EPHB1: variants seen among roughly 807,000 people sequenced by gnomAD.
EPHB1 encodes ephrin type-B receptor 1.
Under a neutral mutation model 94.4 loss-of-function variants are expected in EPHB1, and 30 were observed. The ratio of observed to expected loss-of-function variants is 0.32; its 90% confidence interval spans 0.24 to 0.43. The LOEUF (loss-of-function observed/expected upper bound fraction) is 0.43. Ranked by LOEUF, EPHB1 falls within the 20% of genes least tolerant of loss-of-function variation. EPHB1 has a pLI of 1.00. For synonymous variants in EPHB1, 522 were observed against 489.1 expected (o/e 1.07, Z -0.89); for missense variants, 1,055 against 1,308.3 (o/e 0.81, Z 2.99).
At chr3:135,107,315 T>C (rs1279465920) in intron 4 of EPHB1, among the ~76,000 whole-genome samples, 2 of 152,184 alleles carry the variant, frequency 1.3e-5, no homozygotes, top group Admixed American at 1.3e-4. Flanking sequence ...AGCTACACTC[T>C]CTGGATAGGG....
chr3:135,081,386 T>C (rs1938158583), intron 3 of EPHB1, among the ~76,000 whole-genome samples: 1 of 152,160 alleles, frequency 6.6e-6, no homozygotes, highest in Non-Finnish European at 1.5e-5. Flanking sequence ...TAAAGGGGCT[T>C]ACAAAACTCT....
chr3:134,997,343 C>T (rs73214190), intron 3 of EPHB1, among the ~76,000 whole-genome samples: 1,684 of 152,298 alleles, frequency 0.011, 24 homozygotes, highest in Non-Finnish European at 0.017. Context: ...CTGGGGTCTC[C>T]TTCTGGTGAT....
intron 3 of EPHB1, chr3:135,067,832 G>A (rs982754243): frequency 1.3e-5 from 2 of 152,336 alleles, no homozygotes; most frequent in Middle Eastern, 6.8e-3. Context: ...TTCCTGCTTG[G>A]GGAACCCAGT....
chr3:135,048,939 T>C (rs978554525), intron 3 of EPHB1, among the ~76,000 whole-genome samples: 9 of 152,238 alleles, frequency 5.9e-5, no homozygotes, highest in African/African-American at 2.2e-4. Flanking sequence ...TGAGGATCTG[T>C]AGAGCTGGGA....
chr3:134,863,484 A>G (rs1252612095), intron 1 of EPHB1, among the ~76,000 whole-genome samples: 1 of 152,228 alleles, frequency 6.6e-6, no homozygotes, highest in African/African-American at 2.4e-5. Context: ...TTTCAAACCC[A>G]GTCCCCTTAA....
chr3:135,193,348 G>A (rs2107710328), intron 11 of EPHB1, among the ~76,000 whole-genome samples: 1 of 152,360 alleles, frequency 6.6e-6, no homozygotes, highest in South Asian at 2.1e-4. Context: ...TCTGTGATTG[G>A]CGAAGATTCC....
intron 12 of EPHB1, among the ~76,000 whole-genome samples, chr3:135,231,820 C>G (rs1943537201): frequency 6.6e-6 from 1 of 152,190 alleles, no homozygotes; most frequent in Non-Finnish European, 1.5e-5. Flanking sequence ...CGAGACCATC[C>G]TCTCCAAAAG....
At chr3:134,880,754 C>G (rs925583150) in intron 1 of EPHB1, among the ~76,000 whole-genome samples, 9 of 152,236 alleles carry the variant, frequency 5.9e-5, no homozygotes, top group African/African-American at 1.9e-4. Flanking sequence ...TAGAGCCAAG[C>G]TGTGAGGCTG....
intron 3 of EPHB1, chr3:134,977,822 C>T (rs1457079413): frequency 5.6e-6 from 2 of 355,296 alleles, no homozygotes; most frequent in South Asian, 2.2e-5. Flanking sequence ...GGCCTGACCC[C>T]AGGAGATGTT....
chr3:135,049,794 A>G (rs1206842224), intron 3 of EPHB1, among the ~76,000 whole-genome samples: 1 of 152,176 alleles, frequency 6.6e-6, no homozygotes, highest in East Asian at 1.9e-4. Flanking sequence ...CTATGTGAGG[A>G]CACAGGTGAC....
intron 1 of EPHB1, among the ~76,000 whole-genome samples, chr3:134,893,040 A>G (rs555789227): frequency 9.9e-5 from 15 of 151,958 alleles, no homozygotes; most frequent in Admixed American, 5.9e-4. Flanking sequence ...CTAGCCAAAT[A>G]TAATGAAAAA....
chr3:135,254,906 T>C (rs1422650440), intron 15 of EPHB1, among the ~76,000 whole-genome samples: 1 of 152,258 alleles, frequency 6.6e-6, no homozygotes, highest in East Asian at 1.9e-4. Flanking sequence ...CTGTTATTGG[T>C]CTATTCAGAG....
chr3:135,075,615 C>G (rs562762428), intron 3 of EPHB1, among the ~76,000 whole-genome samples: 1 of 152,302 alleles, frequency 6.6e-6, no homozygotes, highest in African/African-American at 2.4e-5. Context: ...AAGGGCTTGG[C>G]TGATGATAGG....
intron 3 of EPHB1, among the ~76,000 whole-genome samples, chr3:134,960,970 G>A (rs1034944166): frequency 8.5e-5 from 13 of 152,142 alleles, no homozygotes; most frequent in Admixed American, 5.9e-4. Context: ...GGGTCTTAGG[G>A]TATGGTCCTT....
intron 3 of EPHB1, among the ~76,000 whole-genome samples, chr3:135,033,973 C>T (rs1290189991): frequency 6.6e-6 from 1 of 152,102 alleles, no homozygotes; most frequent in African/African-American, 2.4e-5. Flanking sequence ...TGCACGGTCT[C>T]CCTCACACCA....
chr3:135,154,442 G>A (rs1941291388), intron 6 of EPHB1, 166 bp downstream of exon 6: 1 of 961,398 alleles, frequency 1.0e-6, no homozygotes, highest in Non-Finnish European at 1.5e-6. Flanking sequence ...CCCTGACAAA[G>A]CCTTGTTCAA....
At chr3:134,849,632 A>T (rs760041078) in intron 1 of EPHB1, among the ~76,000 whole-genome samples, 3 of 152,122 alleles carry the variant, frequency 2.0e-5, no homozygotes, top group Non-Finnish European at 4.4e-5. Flanking sequence ...GCACATGAAA[A>T]TGCAGCAAGC....
chr3:135,038,660 A>G (rs1264205140), intron 3 of EPHB1, among the ~76,000 whole-genome samples: 7 of 150,670 alleles, frequency 4.6e-5, no homozygotes, highest in Admixed American at 4.6e-4. Context: ...CCCTTCTGAT[A>G]TTCAGATGTG....
At chr3:135,145,658 A>G (rs924443628) in intron 5 of EPHB1, among the ~76,000 whole-genome samples, 1 of 152,230 alleles carries the variant, frequency 6.6e-6, no homozygotes, top group Non-Finnish European at 1.5e-5. Context: ...TTACAGCTGA[A>G]CAATCCCAGT....
Sources: gnomAD v4.1 joint callset for allele counts (sites outside exome capture counted in the v4.1 genomes callset) on GRCh38, gnomAD v4.1.1 for gene constraint, MANE v1.5 for transcripts, NCBI Gene and HGNC (gene_info 2026-07-23, HGNC 2026-07-21) for gene names.